The following PPP2R3A variants were observed in gnomAD, a reference collection of about 807,000 sequenced individuals.
PPP2R3A encodes protein phosphatase 2 regulatory subunit B''alpha, also known as serine/threonine-protein phosphatase 2A regulatory subunit B'' subunit alpha.
A neutral mutation model predicts 106.9 loss-of-function variants in PPP2R3A; 80 were observed. The ratio of observed to expected loss-of-function variants is 0.75; its 90% CI spans 0.62 to 0.90. PPP2R3A has a LOEUF of 0.90. PPP2R3A is among the 40% of genes least tolerant of loss of function. The pLI, the probability that PPP2R3A is intolerant of heterozygous loss-of-function variation, is 0.00. For missense variants in PPP2R3A, 1,386 were observed against 1,350.4 expected, an observed-to-expected ratio of 1.03 and a Z score of -0.41; for synonymous variants, 483 against 468.3, an observed-to-expected ratio of 1.03 and a Z score of -0.41.
intron 4 of PPP2R3A, among the ~76,000 whole-genome samples, chr3:136,041,235 CTTGTTTTTTTTT>C (rs750479465): frequency 0.014 from 575 of 41,358 alleles, 18 homozygotes; most frequent in Non-Finnish European, 0.019. Context: ...CTTGGTTTTT[CTTGTTTTTTTTT>C]TTGTTTTTTT....
intron 1 of PPP2R3A, among the ~76,000 whole-genome samples, chr3:135,982,720 C>G (rs940734422): frequency 1.4e-4 from 21 of 152,098 alleles, no homozygotes; most frequent in African/African-American, 5.1e-4. Flanking sequence ...GAACCTTGCT[C>G]TCAGTTCTGC....
At chr3:136,140,904 T>A (rs1237648748) in intron 13 of PPP2R3A, among the ~76,000 whole-genome samples, 1 of 152,210 alleles carries the variant, frequency 6.6e-6, no homozygotes, top group African/African-American at 2.4e-5. Flanking sequence ...AGACTCTGTC[T>A]CAAAAATAAA....
chr3:136,122,577 T>C (rs1387438704), intron 13 of PPP2R3A, among the ~76,000 whole-genome samples: 4 of 152,180 alleles, frequency 2.6e-5, no homozygotes, highest in Admixed American at 2.0e-4. Flanking sequence ...CAGACCGATA[T>C]TATTCAAGGG....
At chr3:136,137,504 A>AT (rs1938665940) in intron 13 of PPP2R3A, among the ~76,000 whole-genome samples, 1 of 128,620 alleles carries the variant, frequency 7.8e-6, no homozygotes, top group African/African-American at 2.9e-5. Flanking sequence ...TTTCCTTTAT[A>AT]TTAAAAATAT....
At chr3:135,980,828 C>CA in intron 1 of PPP2R3A, among the ~76,000 whole-genome samples, 1 of 151,920 alleles carries the variant, frequency 6.6e-6, no homozygotes, top group South Asian at 2.1e-4. Context: ...TCTTAGTTTT[C>CA]CCACACCCAC....
rs200033362 is a variant in PPP2R3A, at chr3:136,106,347, T to G, written c.3329+25T>G. On this transcript the variant is annotated intron_variant, in intron 13 of 13. Transcript: ENST00000264977. ...GGTGAGTAAGTTTCCCTATGTCTTA[T>G]AGAATTTTTAACAGGAATGCGCATG... 11 of 1,592,562 alleles carry G rather than the reference T, an allele frequency of 6.9e-6. No homozygotes were observed. In the African/African-American group the frequency reaches 1.5e-4, roughly 21 times the overall value.
chr3:136,002,874 A>G lies in PPP2R3A; in HGVS notation c.1376A>G (p.Lys459Arg). The G allele has an allele frequency of 6.2e-7, 1 of 1,613,892 alleles. No individual in the cohort carries two copies. The highest frequency in any genetic ancestry group is 8.5e-7 in the Non-Finnish European group (1 of 1,179,918). The change falls in exon 2 of 14, where the codon AAA (lysine) becomes AGA (arginine). Residue 459 changes from lysine to arginine, a missense_variant. Coordinates refer to ENST00000264977, the MANE Select transcript of PPP2R3A (RefSeq NM_002718.5). ...TTTCCAGAACATGCTACTCATCTTA[A>G]AAAATGCCCCACCCCAATGCAAAAT... ...AEFPEHATHL[K>R]KCPTPMQNEI...
intron 1 of PPP2R3A, among the ~76,000 whole-genome samples, chr3:135,994,860 G>A (rs1933324494): frequency 6.6e-6 from 1 of 152,002 alleles, no homozygotes; most frequent in African/African-American, 2.4e-5. Flanking sequence ...ACCTGATAAG[G>A]CTCTTATCTT....
At chr3:136,036,561 T>G (rs1935093043) in intron 3 of PPP2R3A, among the ~76,000 whole-genome samples, 1 of 152,208 alleles carries the variant, frequency 6.6e-6, no homozygotes, top group South Asian at 2.1e-4. Flanking sequence ...CGTCCTGTGA[T>G]GTGAACCCTC....
intron 2 of PPP2R3A, among the ~76,000 whole-genome samples, chr3:136,004,779 A>T (rs562705512): frequency 6.6e-4 from 100 of 152,310 alleles, no homozygotes; most frequent in African/African-American, 2.2e-3. Context: ...AGGGGGCCTG[A>T]ATAGTATTAG....
chr3:136,094,144 T>C (rs191870437), intron 10 of PPP2R3A, among the ~76,000 whole-genome samples: 177 of 152,362 alleles, frequency 1.2e-3, no homozygotes, highest in African/African-American at 3.6e-3. Context: ...AATTCATTTA[T>C]ATGAGTTGTC....
chr3:136,002,085 A>T lies in PPP2R3A; in HGVS notation c.587A>T (p.Asn196Ile). The T allele has an allele frequency of 1.2e-6, 2 of 1,614,088 alleles. No homozygotes were observed. Among genetic ancestry groups the T allele is most frequent in the South Asian group, 2.2e-5 (2 of 91,068 alleles). The change falls in exon 2 of 14, where the codon AAC (asparagine) becomes ATC (isoleucine). Residue 196 changes from asparagine (N) to isoleucine (I), a missense_variant. By Grantham distance (149) the Asn-to-Ile change is moderately radical. Coordinates refer to ENST00000264977, the MANE Select transcript of PPP2R3A (RefSeq NM_002718.5). ...PLSHRNSLDT[N>I]LTSMFLQNFS... ...TCTCATAGAAACTCACTGGATACGA[A>T]CCTGACTTCCATGTTTCTTCAAAAC...
chr3:136,006,920 A>G (rs986060864), intron 2 of PPP2R3A, among the ~76,000 whole-genome samples: 1 of 152,234 alleles, frequency 6.6e-6, no homozygotes. Flanking sequence ...TGCTCTGCTT[A>G]TATTATTATG....
chr3:135,985,368 C>T (rs1298503266), intron 1 of PPP2R3A, among the ~76,000 whole-genome samples: 3 of 138,402 alleles, frequency 2.2e-5, no homozygotes, highest in South Asian at 2.4e-4. Flanking sequence ...CTTTCCCTCT[C>T]TCCCTTCCTC....
At chr3:136,108,151 T>C (rs1937545410) in intron 13 of PPP2R3A, among the ~76,000 whole-genome samples, 1 of 152,168 alleles carries the variant, frequency 6.6e-6, no homozygotes, top group African/African-American at 2.4e-5. Flanking sequence ...AGGCAGAGGC[T>C]GCAGTGAGCT....
intron 13 of PPP2R3A, among the ~76,000 whole-genome samples, chr3:136,132,804 A>G (rs1000771357): frequency 6.6e-6 from 1 of 152,010 alleles, no homozygotes; most frequent in Non-Finnish European, 1.5e-5. Context: ...TAGCCAAAAC[A>G]CTTTTTTAAA....
chr3:136,070,497 C>T lies in PPP2R3A; in HGVS notation c.2489C>T (p.Pro830Leu). ...TTTCAGGATGTGGTGGATACCCACC[C>T]TGGTCTCACGTTCCTGAAAGATGCT... Reference protein sequence around the residue: ...PLLQDVVDTHPGLTFLKDAPE... With the variant: ...PLLQDVVDTHLGLTFLKDAPE... The change falls in exon 6 of 14, where the codon CCT becomes CTT. Residue 830 changes from proline (P) to leucine (L), a missense_variant. Pro to Leu is a moderately conservative substitution (Grantham distance 98). Transcript: ENST00000264977. The T allele has an allele frequency of 6.2e-7, 1 of 1,609,058 alleles. No homozygotes were observed. The highest frequency in any genetic ancestry group is 8.5e-7 in the Non-Finnish European group (1 of 1,178,262).
chr3:136,104,543 T>G (rs199937983), intron 12 of PPP2R3A, among the ~76,000 whole-genome samples: 1 of 152,250 alleles, frequency 6.6e-6, no homozygotes, highest in East Asian at 1.9e-4. Flanking sequence ...CGACCTTAGG[T>G]GATCTGCCCA....
intron 1 of PPP2R3A, among the ~76,000 whole-genome samples, chr3:135,997,329 G>A (rs942462420): frequency 2.0e-5 from 3 of 152,034 alleles, no homozygotes; most frequent in Admixed American, 6.6e-5. Flanking sequence ...ACCTCCATTT[G>A]GAAAGTCCCT....
Sources: gnomAD v4.1 joint callset for allele counts (sites outside exome capture counted in the v4.1 genomes callset) on GRCh38, gnomAD v4.1.1 for gene constraint, MANE v1.5 for transcripts, NCBI Gene and HGNC (gene_info 2026-07-23, HGNC 2026-07-21) for gene names.